Variants in SGCZ observed in about 807,000 individuals in gnomAD.
SGCZ encodes sarcoglycan zeta.
SGCZ carries 40 observed loss-of-function variants against 41.3 expected under a neutral mutation model. That is an observed-to-expected ratio of 0.97 (90% CI 0.75 to 1.26). The LOEUF is 1.26. Ranked by LOEUF, SGCZ falls within the 50% of genes most tolerant of loss-of-function variation. The probability of loss-of-function intolerance (pLI) is 0.00; values close to 1 mark genes in which losing one functional copy is unlikely to be tolerated. For missense variants in SGCZ, 552 were observed against 369.8 expected, an observed-to-expected ratio of 1.49 and a Z score of -4.04; for synonymous variants, 206 against 137.5, an observed-to-expected ratio of 1.50 and a Z score of -3.49.
chr8:15,111,083 G>A (rs1007033483), intron 1 of SGCZ, among the ~76,000 whole-genome samples: 20 of 152,162 alleles, frequency 1.3e-4, no homozygotes, highest in African/African-American at 4.6e-4. Flanking sequence ...GCCAATTCAC[G>A]CTTATTTCAT....
At chr8:14,616,663 G>T (rs182275518) in intron 1 of SGCZ, among the ~76,000 whole-genome samples, 1 of 152,166 alleles carries the variant, frequency 6.6e-6, no homozygotes, top group East Asian at 1.9e-4. Context: ...AGAGAGACCG[G>T]AAAATTGAGT....
intron 1 of SGCZ, among the ~76,000 whole-genome samples, chr8:14,760,604 T>C (rs1799834970): frequency 6.6e-6 from 1 of 152,216 alleles, no homozygotes; most frequent in Non-Finnish European, 1.5e-5. Context: ...AACTTATTTT[T>C]ACAGTTTAAA....
chr8:14,482,051 G>A (rs922933604), intron 2 of SGCZ, among the ~76,000 whole-genome samples: 1 of 152,118 alleles, frequency 6.6e-6, no homozygotes. Context: ...TGCTATTGCA[G>A]GAGGACTAAG....
rs1428554283 is a variant in SGCZ at position 15,178,855 on chromosome 8, G to A, written c.39+58730C>T. 4.6e-5 allele frequency among the ~76,000 whole-genome samples: 7 copies of A among 152,118 alleles called. No homozygotes were observed. The East Asian group carries it at 1.3e-3, about 29-fold the overall frequency. ...TCTCCACAAACTGTATTTTACCCTA[G>A]GATATAAAGAAAACTCTATGTCCAA... On this transcript the variant is annotated intron_variant, in intron 1 of 7. Transcript: ENST00000382080.
intron 4 of SGCZ, among the ~76,000 whole-genome samples, chr8:14,199,755 T>C (rs1220673816): frequency 6.6e-6 from 1 of 152,154 alleles, no homozygotes; most frequent in Admixed American, 6.5e-5. Flanking sequence ...CGATATATTC[T>C]AACAATGTTA....
chr8:14,825,329 C>T (rs58732674), intron 1 of SGCZ, among the ~76,000 whole-genome samples: 23,422 of 152,120 alleles, frequency 0.15, 2,720 homozygotes, highest in African/African-American at 0.32. Flanking sequence ...TTTTCACACT[C>T]TAGAACCTAA....
intron 1 of SGCZ, among the ~76,000 whole-genome samples, chr8:14,919,365 C>T (rs534537094): frequency 2.6e-5 from 4 of 152,016 alleles, no homozygotes; most frequent in Non-Finnish European, 4.4e-5. Context: ...TGCTAGAACC[C>T]GGGAGGCGGA....
At chr8:14,459,020 C>G (rs1800826806) in intron 2 of SGCZ, among the ~76,000 whole-genome samples, 3 of 152,134 alleles carry the variant, frequency 2.0e-5, no homozygotes, top group Admixed American at 2.0e-4. Flanking sequence ...TGGGCACCCT[C>G]TCATCAGCAA....
At position 14,638,315 on chromosome 8, in the gene SGCZ, T is replaced by C. The variant is rs978583572; in HGVS notation, c.40-83389A>G. 3.3e-5 allele frequency among the ~76,000 whole-genome samples: 5 copies of C among 152,012 alleles called. No individual in the cohort carries two copies. The East Asian group carries it at 9.7e-4, about 30-fold the overall frequency. On this transcript the variant is annotated intron_variant, in intron 1 of 7. Transcript: ENST00000382080. ...AGAGCAGGGGTTCAATAAATGCTTT[T>C]TGAATGAATGAACTAATTCCTCTTC...
intron 1 of SGCZ, among the ~76,000 whole-genome samples, chr8:14,935,944 G>C (rs1458548333): frequency 6.6e-6 from 1 of 151,766 alleles, no homozygotes; most frequent in Non-Finnish European, 1.5e-5. Flanking sequence ...ATCAGACACA[G>C]AAAATAATTT....
chr8:15,023,169 A>C (rs1280968503), intron 1 of SGCZ, among the ~76,000 whole-genome samples: 1 of 152,192 alleles, frequency 6.6e-6, no homozygotes, highest in Admixed American at 6.5e-5. Context: ...TGAAAATTGA[A>C]CATGAAACAG....
intron 5 of SGCZ, among the ~76,000 whole-genome samples, chr8:14,113,296 A>T (rs963346514): frequency 1.2e-4 from 18 of 152,176 alleles, no homozygotes; most frequent in African/African-American, 3.9e-4. Context: ...CCACCTCTTA[A>T]GGCATATGCA....
At chr8:14,523,505 G>T (rs899912760) in intron 2 of SGCZ, among the ~76,000 whole-genome samples, 1 of 151,886 alleles carries the variant, frequency 6.6e-6, no homozygotes, top group African/African-American at 2.4e-5. Flanking sequence ...TCTCCTGGTC[G>T]TGACGGTTTC....
chr8:14,381,535 G>A (rs1804364126), intron 2 of SGCZ, among the ~76,000 whole-genome samples: 1 of 151,904 alleles, frequency 6.6e-6, no homozygotes, highest in African/African-American at 2.4e-5. Flanking sequence ...AGTATGGTGG[G>A]AAGCTCAACC....
intron 1 of SGCZ, among the ~76,000 whole-genome samples, chr8:14,619,503 C>T (rs1222680062): frequency 6.6e-6 from 1 of 152,134 alleles, no homozygotes; most frequent in Non-Finnish European, 1.5e-5. Flanking sequence ...GTCAAACTGT[C>T]CCTGTCTGCA....
At chr8:14,645,949 G>A (rs549558551) in intron 1 of SGCZ, among the ~76,000 whole-genome samples, 50 of 151,880 alleles carry the variant, frequency 3.3e-4, no homozygotes, top group African/African-American at 1.2e-3. Flanking sequence ...CTCTTACTAT[G>A]CACAACTTTA....
At chr8:14,642,826 C>T (rs570509558) in intron 1 of SGCZ, among the ~76,000 whole-genome samples, 2 of 151,480 alleles carry the variant, frequency 1.3e-5, no homozygotes, top group African/African-American at 4.8e-5. Context: ...TGAAACACAG[C>T]ATGATTTCTC....
At chr8:14,370,902 A>C (rs1803885677) in intron 2 of SGCZ, among the ~76,000 whole-genome samples, 1 of 152,012 alleles carries the variant, frequency 6.6e-6, no homozygotes, top group Non-Finnish European at 1.5e-5. Context: ...TGCAATAAGG[A>C]AGCCCCACAG....
intron 1 of SGCZ, among the ~76,000 whole-genome samples, chr8:14,830,692 G>C (rs1250903001): frequency 6.6e-6 from 1 of 152,094 alleles, no homozygotes; most frequent in Non-Finnish European, 1.5e-5. Flanking sequence ...GCAAAGGAAT[G>C]CTGCTGATTT....
Sources: allele counts gnomAD v4.1 joint callset (sites outside exome capture counted in the v4.1 genomes callset), GRCh38; gene constraint gnomAD v4.1.1; transcripts MANE v1.5; gene names NCBI Gene and HGNC (gene_info 2026-07-23, HGNC 2026-07-21).